The following LIN7A variants were observed in gnomAD, a reference collection of about 807,000 sequenced individuals.
LIN7A encodes the protein protein lin-7 homolog A.
A neutral mutation model predicts 29.8 loss-of-function variants in LIN7A; 25 were observed. That is an observed-to-expected ratio of 0.84 (90% CI 0.61 to 1.17). The LOEUF is 1.17. Ranked by LOEUF, LIN7A falls within the 50% of genes most tolerant of loss-of-function variation. The pLI, the probability that LIN7A is intolerant of heterozygous loss-of-function variation, is 0.00. For missense variants in LIN7A, 239 were observed against 287.0 expected, an observed-to-expected ratio of 0.83 and a Z score of 1.21; for synonymous variants, 118 against 107.5, an observed-to-expected ratio of 1.10 and a Z score of -0.60.
Position 80,854,485 on chromosome 12 carries a change from C to CAAAAAAAAAAAAAAAAA in LIN7A, c.202-6164_202-6163insTTTTTTTTTTTTTTTTT, listed in dbSNP as rs370465323. Among the ~76,000 whole-genome samples the CAAAAAAAAAAAAAAAAA allele has an allele frequency of 1.1e-4, 4 of 37,112 alleles. 2 individuals carry two copies. The highest frequency in any genetic ancestry group is 7.8e-4 in the Admixed American group (2 of 2,576). The allele number at this position is 37,112 out of a possible 152,430, so 24.3% of individuals were successfully genotyped here. ...TGAATCTGAAATGCATGTTGCTAAG[C>CAAAAAAAAAAAAAAAAA]CAAAAAAAAAAAAAAAAAAAAAAGC... is the stretch of plus-strand genomic sequence containing the variant. On this transcript the variant is annotated intron_variant, in intron 2 of 5. Transcript: ENST00000552864.
intron 2 of LIN7A, among the ~76,000 whole-genome samples, chr12:80,866,495 CAGAT>C (rs1287315365): frequency 1.7e-4 from 26 of 151,926 alleles, no homozygotes; most frequent in African/African-American, 6.3e-4. Context: ...ATGAAAAACT[CAGAT>C]AGAAATGAAA....
At chr12:80,832,374 C>T (rs944992963) in intron 4 of LIN7A, among the ~76,000 whole-genome samples, 8 of 152,136 alleles carry the variant, frequency 5.3e-5, no homozygotes, top group African/African-American at 1.2e-4. Context: ...CTTACAATAA[C>T]GTTTGCCTGT....
At chr12:80,848,633 GA>G (rs879545258) in intron 2 of LIN7A, among the ~76,000 whole-genome samples, 50 of 142,478 alleles carry the variant, frequency 3.5e-4, no homozygotes, top group South Asian at 2.9e-3. Flanking sequence ...CTAAAGTACA[GA>G]AAAAAAAAAA....
rs1873674025 is a variant in LIN7A, at chr12:80,857,717, C to T, written c.202-9395G>A. ...ACCAGATTGAAGAAAAATGTAGTCT[C>T]AAGTTGCAAGTCATCTCCAATGCTC... On this transcript the variant is annotated intron_variant, in intron 2 of 5. Transcript: ENST00000552864. Among the ~76,000 whole-genome samples, 8 of 152,226 alleles carry T rather than the reference C, an allele frequency of 5.3e-5. No individual in the cohort carries two copies. The South Asian group carries it at 1.5e-3, about 28-fold the overall frequency.
At position 80,796,776 on chromosome 12, in the gene LIN7A, T is replaced by C. The variant is rs956228380; in HGVS notation, c.*951A>G. 6.6e-6 allele frequency: 1 copy of C among 152,112 alleles called. No homozygotes were observed. Among genetic ancestry groups the C allele is most frequent in the African/African-American group, 2.4e-5 (1 of 41,410 alleles). The allele number at this position is 152,112 out of a possible 1,614,324, so 9.4% of individuals were successfully genotyped here. A position where few individuals can be genotyped will look rare whatever the true frequency, so the allele number is the denominator to read the frequency against. On this transcript the variant is annotated 3_prime_UTR_variant, in exon 6 of 6. Transcript: ENST00000552864. ...TTCTATGACAGCACATCAGTGTGAG[T>C]AGAGTTTAGATTTCTTCAGTGTTTA...
In LIN7A at chr12:80,798,786, C is replaced by CTT. The variant is rs200030464; in HGVS notation, c.*1-1062_*1-1061dup. 7.3e-3 allele frequency among the ~76,000 whole-genome samples: 1,059 copies of CTT among 144,868 alleles called. 9 individuals are homozygous for CTT. The highest frequency in any genetic ancestry group is 0.024 in the African/African-American group (963 of 39,524). ...AGTGACCAGAGATCTAGACTGAGTT[C>CTT]TTTTTTTTTTTTTTGAGTTGAAGTA... On this transcript the variant is annotated intron_variant, in intron 5 of 5. Transcript: ENST00000552864.
intron 4 of LIN7A, among the ~76,000 whole-genome samples, chr12:80,813,625 T>C (rs1179644349): frequency 6.6e-6 from 1 of 152,206 alleles, no homozygotes; most frequent in Non-Finnish European, 1.5e-5. Flanking sequence ...TAGACAATAC[T>C]TGGAGAAACT....
intron 1 of LIN7A, among the ~76,000 whole-genome samples, chr12:80,927,955 G>A (rs568981531): frequency 1.3e-5 from 2 of 152,122 alleles, no homozygotes. Context: ...AGAATATGCG[G>A]TGTTTGGTTT....
intron 1 of LIN7A, among the ~76,000 whole-genome samples, chr12:80,913,871 C>T (rs1169110017): frequency 6.6e-6 from 1 of 152,160 alleles, no homozygotes; most frequent in African/African-American, 2.4e-5. Flanking sequence ...GCTCTACTTA[C>T]TTTGAGATTA....
rs35483715 is a variant in LIN7A, at chr12:80,926,927, CAAAAAAAA to C, written c.82+10706_82+10713del. ...TGGGAGACAGTGCGAGACTCCATCT[CAAAAAAAA>C]AAAAAAAAAAAAAAAAATTGACATT... On this transcript the variant is annotated intron_variant, in intron 1 of 5. Transcript: ENST00000552864. Among the ~76,000 whole-genome samples, 22 of 55,896 alleles carry C rather than the reference CAAAAAAAA, an allele frequency of 3.9e-4. 1 individual carries two copies. In the South Asian group the frequency reaches 8.4e-3, roughly 21 times the overall value. The allele number at this position is 55,896 out of a possible 152,430, so 36.7% of individuals were successfully genotyped here. A position where few individuals can be genotyped will look rare whatever the true frequency, so the allele number is the denominator to read the frequency against.
At chr12:80,933,917 T>G (rs1190825333) in intron 1 of LIN7A, among the ~76,000 whole-genome samples, 1 of 152,146 alleles carries the variant, frequency 6.6e-6, no homozygotes, top group African/African-American at 2.4e-5. Flanking sequence ...GTGACTCTCA[T>G]TAGCATGCAA....
chr12:80,886,237 C>T (rs1004564997), intron 2 of LIN7A, among the ~76,000 whole-genome samples: 1 of 151,728 alleles, frequency 6.6e-6, no homozygotes, highest in Admixed American at 6.6e-5. Flanking sequence ...CAATCAGTAC[C>T]CAAGACACCA....
At chr12:80,798,965 G>T (rs542371023) in intron 5 of LIN7A, among the ~76,000 whole-genome samples, 1 of 152,068 alleles carries the variant, frequency 6.6e-6, no homozygotes, top group African/African-American at 2.4e-5. Context: ...ACTCCTGACC[G>T]CAGGTAATCT....
intron 2 of LIN7A, among the ~76,000 whole-genome samples, chr12:80,880,768 CACACACAT>C (rs902309517): frequency 2.5e-4 from 35 of 141,198 alleles, no homozygotes; most frequent in East Asian, 4.4e-4. Flanking sequence ...CACACACACA[CACACACAT>C]ACACACACAC....
At chr12:80,923,454 T>C (rs532639487) in intron 1 of LIN7A, among the ~76,000 whole-genome samples, 5 of 152,350 alleles carry the variant, frequency 3.3e-5, no homozygotes, top group African/African-American at 7.2e-5. Context: ...TTTTGCCTTT[T>C]GTACTAAGAA....
In LIN7A at chr12:80,879,586, T is replaced by G. The variant is rs559019817; in HGVS notation, c.201+9665A>C. ...ATTTGGCTTAGTAAGAAGTTAAAATTTAGGCTACTCTGGAACACTTTGCCT... is the reference window on the plus strand; with the variant it reads ...ATTTGGCTTAGTAAGAAGTTAAAATGTAGGCTACTCTGGAACACTTTGCCT... On this transcript the variant is annotated intron_variant, in intron 2 of 5. Transcript: ENST00000552864. Among the ~76,000 whole-genome samples, 270 of 137,586 alleles carry G rather than the reference T, an allele frequency of 2.0e-3. 3 individuals are homozygous for G. The highest frequency in any genetic ancestry group is 6.6e-3 in the African/African-American group (254 of 38,500). The allele number at this position is 137,586 out of a possible 152,430, so 90.3% of individuals were successfully genotyped here.
chr12:80,891,784 G>A (rs1319480567), intron 1 of LIN7A, among the ~76,000 whole-genome samples: 1 of 152,194 alleles, frequency 6.6e-6, no homozygotes, highest in Non-Finnish European at 1.5e-5. Flanking sequence ...GGTAGGAGGT[G>A]TAAGTGGAGA....
chr12:80,854,725 T>C (rs1416333146), intron 2 of LIN7A, among the ~76,000 whole-genome samples: 1 of 151,988 alleles, frequency 6.6e-6, no homozygotes, highest in Non-Finnish European at 1.5e-5. Flanking sequence ...AACAACACAC[T>C]AAAAAGTAGA....
At chr12:80,870,517 T>A (rs1874373007) in intron 2 of LIN7A, among the ~76,000 whole-genome samples, 1 of 152,122 alleles carries the variant, frequency 6.6e-6, no homozygotes, top group Non-Finnish European at 1.5e-5. Flanking sequence ...GGAACAGAAG[T>A]GGGGAGCACA....
Sources: gnomAD v4.1 joint callset for allele counts (sites outside exome capture counted in the v4.1 genomes callset) on GRCh38, gnomAD v4.1.1 for gene constraint, MANE v1.5 for transcripts, NCBI Gene and HGNC (gene_info 2026-07-23, HGNC 2026-07-21) for gene names.